Variants in CMSS1 observed in about 807,000 individuals in gnomAD.
CMSS1 encodes the protein protein CMSS1.
In CMSS1, 33 loss-of-function variants were observed where a neutral mutation model predicts 43.5. The ratio of observed to expected loss-of-function variants is 0.76; its 90% CI spans 0.57 to 1.01. CMSS1 has a LOEUF of 1.01. Among genes scored for constraint, CMSS1 ranks in the 50% least tolerant of loss-of-function variants. The pLI, the probability that CMSS1 is intolerant of heterozygous loss-of-function variation, is 0.00. For missense variants in CMSS1, 313 were observed against 326.4 expected, an observed-to-expected ratio of 0.96 and a Z score of 0.32; for synonymous variants, 115 against 117.2, an observed-to-expected ratio of 0.98 and a Z score of 0.12.
chr3:99,956,549 G>A (rs1170719566), intron 1 of CMSS1, among the ~76,000 whole-genome samples: 1 of 152,106 alleles, frequency 6.6e-6, no homozygotes, highest in African/African-American at 2.4e-5. Flanking sequence ...GTTTCACCAC[G>A]TTGGCCAGGC....
intron 1 of CMSS1, among the ~76,000 whole-genome samples, chr3:100,090,171 A>G (rs988963980): frequency 3.3e-5 from 5 of 152,214 alleles, no homozygotes; most frequent in Admixed American, 6.5e-5. Flanking sequence ...GAAGCACTCT[A>G]TGAATGCCCC....
intron 2 of CMSS1, among the ~76,000 whole-genome samples, chr3:100,154,416 A>G (rs1196803673): frequency 6.6e-6 from 1 of 152,018 alleles, no homozygotes; most frequent in Non-Finnish European, 1.5e-5. Context: ...TCTTTTTCCT[A>G]TATAATGTAT....
Position 100,147,097 on chromosome 3 carries a change from A to T in CMSS1, c.153+36A>T, listed in dbSNP as rs770149952. 1.2e-4 allele frequency: 197 copies of T among 1,610,656 alleles called. 2 individuals are homozygous for T. The highest frequency in any genetic ancestry group is 1.6e-4 in the Non-Finnish European group (193 of 1,178,298). On this transcript the variant is annotated intron_variant, in intron 2 of 9. Transcript: ENST00000421999. ...ACTGTGGGAGAGCCACCACTGTTAAATTCTGAAATCAGCCTTTTCCTCCTC... is the reference window on the plus strand; with the variant it reads ...ACTGTGGGAGAGCCACCACTGTTAATTTCTGAAATCAGCCTTTTCCTCCTC...
At chr3:100,101,317 C>G (rs989144289) in intron 1 of CMSS1, among the ~76,000 whole-genome samples, 1 of 152,128 alleles carries the variant, frequency 6.6e-6, no homozygotes, top group Non-Finnish European at 1.5e-5. Context: ...GCATTGACTT[C>G]GTTGACTGAG....
At chr3:99,855,542 CAAG>C (rs759094983) in intron 1 of CMSS1, among the ~76,000 whole-genome samples, 59 of 152,232 alleles carry the variant, frequency 3.9e-4, no homozygotes, top group Admixed American at 6.5e-4. Context: ...TCACAAAGGT[CAAG>C]AAGGAGCAAA....
At position 99,818,739 on chromosome 3, in the gene CMSS1, AAGCT is replaced by A. The variant is rs1206201048; in HGVS notation, c.64+701_64+704del. Among the ~76,000 whole-genome samples the A allele has an allele frequency of 2.0e-5, 3 of 152,216 alleles. No individual in the cohort carries two copies. In the East Asian group the frequency reaches 5.8e-4, roughly 29 times the overall value. On this transcript the variant is annotated intron_variant, in intron 1 of 9. Transcript: ENST00000421999. ...TGTCAAGTAACTTGACAAGTTCACA[AAGCT>A]AGCTCCTTTCAGAAACAATACTAGA... is the stretch of plus-strand genomic sequence containing the variant.
At chr3:100,141,866 C>A (rs1170916863) in intron 1 of CMSS1, among the ~76,000 whole-genome samples, 1 of 152,192 alleles carries the variant, frequency 6.6e-6, no homozygotes, top group Non-Finnish European at 1.5e-5. Context: ...CTGAGTGGCA[C>A]AGGCCCAGCT....
In CMSS1 at chr3:100,069,499, TCTC is replaced by T. The variant is rs368329198; in HGVS notation, c.65-77470_65-77468del. Among the ~76,000 whole-genome samples, 681 of 152,164 alleles carry T rather than the reference TCTC, an allele frequency of 4.5e-3. 7 individuals are homozygous for T. The highest frequency in any genetic ancestry group is 0.016 in the African/African-American group (664 of 41,524). On this transcript the variant is annotated intron_variant, in intron 1 of 9. Coordinates refer to ENST00000421999, the MANE Select transcript of CMSS1 (RefSeq NM_032359.4). ...TTCTTTTTGGAAAGACACTTTTTCT[TCTC>T]CTCTGATAGTGGTGTTTTGGATTTC...
At chr3:100,051,325 A>G (rs2065368171) in intron 1 of CMSS1, 1 of 152,164 alleles carries the variant, frequency 6.6e-6, no homozygotes, top group East Asian at 1.9e-4. Context: ...TTTTATTTCA[A>G]AATTTAATAA....
intron 1 of CMSS1, among the ~76,000 whole-genome samples, chr3:100,039,081 A>G (rs921394235): frequency 4.6e-5 from 7 of 152,240 alleles, no homozygotes; most frequent in African/African-American, 1.7e-4. Context: ...TTTAATGCTT[A>G]TAAAAAGAAT....
intron 2 of CMSS1, among the ~76,000 whole-genome samples, chr3:100,159,370 G>C (rs1037897870): frequency 4.6e-5 from 7 of 152,166 alleles, no homozygotes; most frequent in Non-Finnish European, 8.8e-5. Flanking sequence ...AAATTATGTA[G>C]TATTATATCT....
At chr3:99,956,817 C>T (rs1412282253) in intron 1 of CMSS1, among the ~76,000 whole-genome samples, 1 of 152,172 alleles carries the variant, frequency 6.6e-6, no homozygotes, top group African/African-American at 2.4e-5. Flanking sequence ...CCCTGCTCCC[C>T]ACTCTGCCAG....
chr3:99,888,733 T>C (rs1417181401), intron 1 of CMSS1, among the ~76,000 whole-genome samples: 3 of 152,222 alleles, frequency 2.0e-5, no homozygotes, highest in Non-Finnish European at 4.4e-5. Context: ...TATCTTCATT[T>C]TTCTCTCTTC....
At chr3:99,898,595 T>A in intron 1 of CMSS1, 1 of 182,830 alleles carries the variant, frequency 5.5e-6, no homozygotes, top group Non-Finnish European at 1.2e-5. Context: ...GGTGAAACTC[T>A]GTCTCTACAA....
chr3:100,070,525 G>A (rs2065743486), intron 1 of CMSS1, among the ~76,000 whole-genome samples: 1 of 152,150 alleles, frequency 6.6e-6, no homozygotes, highest in Non-Finnish European at 1.5e-5. Flanking sequence ...GATAAACCTT[G>A]TGCCAATTTA....
intron 1 of CMSS1, among the ~76,000 whole-genome samples, chr3:99,836,244 GAGAA>G (rs933270483): frequency 6.6e-6 from 1 of 152,156 alleles, no homozygotes; most frequent in Non-Finnish European, 1.5e-5. Context: ...GGGGAGGACA[GAGAA>G]AGAAATAATA....
chr3:99,851,512 G>A (rs2107530071), intron 1 of CMSS1, among the ~76,000 whole-genome samples: 1 of 152,262 alleles, frequency 6.6e-6, no homozygotes, highest in South Asian at 2.1e-4. Flanking sequence ...TATGAAAAAT[G>A]GGGGCAATAA....
chr3:100,166,272 ATC>A, intron 4 of CMSS1, 61 bp from the exon 5 acceptor site: 1 of 1,072,772 alleles, frequency 9.3e-7, no homozygotes, highest in Admixed American at 1.7e-5. Flanking sequence ...CTCACATATA[ATC>A]TGTTTTGATT....
At chr3:100,124,634 C>T (rs763743351) in intron 1 of CMSS1, among the ~76,000 whole-genome samples, 1 of 152,108 alleles carries the variant, frequency 6.6e-6, no homozygotes, top group Admixed American at 6.5e-5. Flanking sequence ...CACCCAGCAC[C>T]AATAGCCTTG....
Sources: allele counts gnomAD v4.1 joint callset (sites outside exome capture counted in the v4.1 genomes callset), GRCh38; gene constraint gnomAD v4.1.1; transcripts MANE v1.5; gene names NCBI Gene and HGNC (gene_info 2026-07-23, HGNC 2026-07-21).